The following ZNF589 variants were observed in gnomAD, a reference collection of about 807,000 sequenced individuals.
ZNF589 encodes zinc finger protein 589.
ZNF589 carries 17 observed loss-of-function variants against 13.6 expected under a neutral mutation model. The ratio of observed to expected loss-of-function variants is 1.25; its 90% CI spans 0.86 to 1.88. ZNF589 has a LOEUF of 1.88. ZNF589 is among the 40% of genes most tolerant of loss of function. The probability of loss-of-function intolerance (pLI) is 0.00; values close to 1 mark genes in which losing one functional copy is unlikely to be tolerated. For missense variants in ZNF589, 407 were observed against 434.0 expected (o/e 0.94, Z 0.55); for synonymous variants, 148 against 161.6 (o/e 0.92, Z 0.64).
At position 48,241,108 on chromosome 3, in the gene ZNF589, A is replaced by T. The variant is rs2033689534; in HGVS notation, c.-64A>T. On this transcript the variant is annotated 5_prime_UTR_variant, in exon 1 of 4. Transcript: ENST00000354698. Reference sequence around the variant, plus strand: ...GCGCCGCCAGTGGCCCGCGGTGCGCATTCTAATCCGTTTCACACACGGTGC... The same window carrying T: ...GCGCCGCCAGTGGCCCGCGGTGCGCTTTCTAATCCGTTTCACACACGGTGC... 6.2e-7 allele frequency: 1 copy of T among 1,606,380 alleles called. No homozygotes were observed. The highest frequency in any genetic ancestry group is 8.5e-7 in the Non-Finnish European group (1 of 1,174,046).
At chr3:48,241,412 C>A (rs1430471157) in intron 1 of ZNF589, among the ~76,000 whole-genome samples, 198 bp downstream of exon 1, 1 of 152,262 alleles carries the variant, frequency 6.6e-6, no homozygotes, top group Admixed American at 6.5e-5. Context: ...GGTGCTCACT[C>A]CACGACTCTT....
intron 2 of ZNF589, chr3:48,256,531 A>G (rs2033905143): frequency 1.6e-6 from 1 of 640,240 alleles, no homozygotes; most frequent in Non-Finnish European, 2.9e-6. Context: ...CAACTCCTTC[A>G]GGAAGCTGAG....
At chr3:48,255,898 G>C (rs749262141) in intron 2 of ZNF589, among the ~76,000 whole-genome samples, 1 of 152,142 alleles carries the variant, frequency 6.6e-6, no homozygotes, top group Admixed American at 6.5e-5. Context: ...AAGCCACCAC[G>C]CCTGGCAGCT....
At position 48,268,517 on chromosome 3, in the gene ZNF589, T is replaced by C. The variant is rs763775270; in HGVS notation, c.826T>C (p.Tyr276His). 1 of 1,613,032 alleles carries C rather than the reference T, an allele frequency of 6.2e-7. No homozygotes were observed. Among genetic ancestry groups the C allele is most frequent in the South Asian group, 1.1e-5 (1 of 91,010 alleles). Residue 276 changes from tyrosine to histidine, a missense_variant, in exon 4 of 4, where the codon TAT (tyrosine) becomes CAT (histidine). Coordinates refer to ENST00000354698, the MANE Select transcript of ZNF589 (RefSeq NM_016089.3). ...HQRTHTGEKP[Y>H]VCGECGRGFI... ...GAGGACACACACAGGAGAAAAGCCT[T>C]ATGTCTGCGGAGAGTGTGGGCGAGG...
chr3:48,242,528 T>C (rs1275904100), intron 1 of ZNF589, among the ~76,000 whole-genome samples: 1 of 151,856 alleles, frequency 6.6e-6, no homozygotes, highest in East Asian at 2.0e-4. Flanking sequence ...GGTCTCCAAC[T>C]CCTGGGCTCA....
chr3:48,252,821 A>G (rs1249884241), intron 2 of ZNF589, among the ~76,000 whole-genome samples: 1 of 150,686 alleles, frequency 6.6e-6, no homozygotes, highest in Non-Finnish European at 1.5e-5. Context: ...ACGGGGTTTC[A>G]CCATGTTATC....
In ZNF589 at chr3:48,241,122, C is replaced by A; in HGVS notation, c.-50C>A. ...CCGCGGTGCGCATTCTAATCCGTTT[C>A]ACACACGGTGCTGCTACCTCGTTTG... On this transcript the variant is annotated 5_prime_UTR_variant, in exon 1 of 4. Transcript: ENST00000354698. The A allele has an allele frequency of 2.5e-6, 4 of 1,611,840 alleles. No homozygotes were observed. Among genetic ancestry groups the A allele is most frequent in the Middle Eastern group, 1.7e-4 (1 of 6,044 alleles).
chr3:48,257,341 C>T (rs924497963), intron 2 of ZNF589, among the ~76,000 whole-genome samples: 1 of 152,062 alleles, frequency 6.6e-6, no homozygotes, highest in Non-Finnish European at 1.5e-5. Flanking sequence ...CTCACTGCAA[C>T]CCCTGCCTCC....
rs1480964867 is a variant in ZNF589 at position 48,269,008 on chromosome 3, AG to A, written c.*226del. On this transcript the variant is annotated 3_prime_UTR_variant, in exon 4 of 4. Coordinates refer to ENST00000354698, the MANE Select transcript of ZNF589 (RefSeq NM_016089.3). ...TCAAATCACATCGGAGAACACACTC[AG>A]GGGAGAAGCCTTATGTGTGTGGGGA... 2 of 729,042 alleles carry A rather than the reference AG, an allele frequency of 2.7e-6. No homozygotes were observed. The highest frequency in any genetic ancestry group is 5.3e-5 in the Admixed American group (2 of 37,800). The allele number at this position is 729,042 out of a possible 1,614,324, so 45.2% of individuals were successfully genotyped here. A position where few individuals can be genotyped will look rare whatever the true frequency, so the allele number is the denominator to read the frequency against.
chr3:48,243,377 G>C (rs1417797070), intron 1 of ZNF589, among the ~76,000 whole-genome samples: 1 of 152,016 alleles, frequency 6.6e-6, no homozygotes, highest in African/African-American at 2.4e-5. Context: ...TGTGTAGTTT[G>C]CCAAGCCATT....
At chr3:48,256,289 G>A in intron 2 of ZNF589, 1 of 441,734 alleles carries the variant, frequency 2.3e-6, no homozygotes, top group Non-Finnish European at 4.4e-6. Context: ...GGGCTTGTGA[G>A]TACGCCTCCT....
intron 2 of ZNF589, among the ~76,000 whole-genome samples, chr3:48,257,702 C>G (rs980420817): frequency 6.6e-6 from 1 of 151,550 alleles, no homozygotes; most frequent in African/African-American, 2.4e-5. Context: ...TATTTAAATT[C>G]GTGATTCATT....
At chr3:48,264,189 T>C (rs1035505839) in intron 3 of ZNF589, among the ~76,000 whole-genome samples, 2 of 152,152 alleles carry the variant, frequency 1.3e-5, no homozygotes, top group Non-Finnish European at 1.5e-5. Flanking sequence ...CTGAACATTA[T>C]GGACTTTCTT....
intron 2 of ZNF589, among the ~76,000 whole-genome samples, chr3:48,255,764 T>C (rs1354841094): frequency 6.7e-6 from 1 of 150,234 alleles, no homozygotes; most frequent in Non-Finnish European, 1.5e-5. Flanking sequence ...GCTGTGATTA[T>C]AGGCAAGAGC....
intron 2 of ZNF589, chr3:48,256,851 G>T: frequency 8.4e-7 from 1 of 1,185,884 alleles, no homozygotes; most frequent in Non-Finnish European, 1.2e-6. Flanking sequence ...CGAGCTGGAA[G>T]CTGAGACCAG....
At chr3:48,243,792 C>CA (rs5848849) in intron 1 of ZNF589, among the ~76,000 whole-genome samples, 1,999 of 120,222 alleles carry the variant, frequency 0.017, 45 homozygotes, top group African/African-American at 0.053. Context: ...AAGTCTGTCT[C>CA]AAAAAAAAAA....
intron 2 of ZNF589, among the ~76,000 whole-genome samples, chr3:48,251,002 C>T (rs1256188225): frequency 6.6e-6 from 1 of 152,146 alleles, no homozygotes; most frequent in Non-Finnish European, 1.5e-5. Flanking sequence ...CCTCCCACCT[C>T]GGCCTCCCAA....
In ZNF589 at chr3:48,259,178, G is replaced by T. The variant is rs553178356; in HGVS notation, c.97-1635G>T. ...CTGTCTAGACTTTTTGTCCTCCCTCGTACACTGTGCCACGCGGCCTGACTG... is the reference window on the plus strand; with the variant it reads ...CTGTCTAGACTTTTTGTCCTCCCTCTTACACTGTGCCACGCGGCCTGACTG... On this transcript the variant is annotated intron_variant, in intron 2 of 3. Coordinates refer to ENST00000354698, the MANE Select transcript of ZNF589 (RefSeq NM_016089.3). Among the ~76,000 whole-genome samples the T allele has an allele frequency of 1.9e-4, 29 of 152,206 alleles. 1 individual carries two copies. The highest frequency in any genetic ancestry group is 6.3e-4 in the African/African-American group (26 of 41,524).
chr3:48,247,987 C>G (rs1046733918), intron 2 of ZNF589, among the ~76,000 whole-genome samples: 1 of 152,194 alleles, frequency 6.6e-6, no homozygotes, highest in African/African-American at 2.4e-5. Flanking sequence ...TCAACATTTG[C>G]ACAAATAGTT....
Sources: gnomAD v4.1 joint callset for allele counts (sites outside exome capture counted in the v4.1 genomes callset) on GRCh38, gnomAD v4.1.1 for gene constraint, MANE v1.5 for transcripts, NCBI Gene and HGNC (gene_info 2026-07-23, HGNC 2026-07-21) for gene names.